Variants in TRAPPC8 observed in about 807,000 individuals in gnomAD.
TRAPPC8 encodes general sporulation gene 1 homolog.
In TRAPPC8, 54 loss-of-function variants were observed where a neutral mutation model predicts 174.3. The observed-to-expected ratio is 0.31, with a 90% CI of 0.25 to 0.39. The LOEUF (loss-of-function observed/expected upper bound fraction) is 0.39, where lower values mean the gene tolerates loss of function less well. Among genes scored for constraint, TRAPPC8 ranks in the 10% least tolerant of loss-of-function variants. TRAPPC8 has a pLI of 1.00. For missense variants in TRAPPC8, 1,531 were observed against 1,699.1 expected, an observed-to-expected ratio of 0.90 and a Z score of 1.74; for synonymous variants, 630 against 579.9, an observed-to-expected ratio of 1.09 and a Z score of -1.24.
intron 2 of TRAPPC8, among the ~76,000 whole-genome samples, chr18:31,921,081 G>A (rs962771994): frequency 6.6e-6 from 1 of 150,792 alleles, no homozygotes; most frequent in Admixed American, 6.6e-5. Flanking sequence ...AAAGAAAGGG[G>A]AAAAATCTCT....
chr18:31,904,132 G>A (rs1485677935), intron 9 of TRAPPC8, among the ~76,000 whole-genome samples: 3 of 152,012 alleles, frequency 2.0e-5, no homozygotes, highest in Non-Finnish European at 4.4e-5. Context: ...GCTACTGTGG[G>A]GGGCTGAGGT....
chr18:31,940,884 G>C (rs1410906316), intron 1 of TRAPPC8, among the ~76,000 whole-genome samples: 1 of 152,190 alleles, frequency 6.6e-6, no homozygotes, highest in African/African-American at 2.4e-5. Context: ...TCTAAATACT[G>C]TCAGGAGATA....
intron 26 of TRAPPC8, among the ~76,000 whole-genome samples, chr18:31,840,365 TAG>T (rs1479170092): frequency 1.5e-5 from 2 of 130,678 alleles, no homozygotes; most frequent in Non-Finnish European, 3.2e-5. Context: ...TCAAAATAAA[TAG>T]AGAGACAGAG....
At chr18:31,845,799 T>C (rs2033369686) in intron 26 of TRAPPC8, among the ~76,000 whole-genome samples, 1 of 152,040 alleles carries the variant, frequency 6.6e-6, no homozygotes, top group Admixed American at 6.6e-5. Flanking sequence ...ATAGTAATAA[T>C]GGAGGTGGGG....
intron 11 of TRAPPC8, among the ~76,000 whole-genome samples, chr18:31,894,207 G>A (rs1484814611): frequency 6.6e-6 from 1 of 152,116 alleles, no homozygotes; most frequent in Non-Finnish European, 1.5e-5. Context: ...TTCATATCTT[G>A]GTCCAGCTTT....
intron 2 of TRAPPC8, among the ~76,000 whole-genome samples, chr18:31,918,007 T>G (rs1945109447): frequency 1.3e-5 from 2 of 152,022 alleles, no homozygotes; most frequent in South Asian, 2.1e-4. Context: ...GTGACTGTAA[T>G]CCCAGCTACT....
At chr18:31,861,524 A>T (rs2034318759) in intron 19 of TRAPPC8, among the ~76,000 whole-genome samples, 2 of 152,354 alleles carry the variant, frequency 1.3e-5, no homozygotes, top group South Asian at 4.1e-4. Flanking sequence ...AGGCTTAAAC[A>T]ATGTAAAAGT....
chr18:31,854,890 C>T (rs191460107), intron 21 of TRAPPC8, among the ~76,000 whole-genome samples: 5 of 132,948 alleles, frequency 3.8e-5, no homozygotes, highest in African/African-American at 1.2e-4. Flanking sequence ...GGCATGAACC[C>T]GGGAGGTGGA....
In TRAPPC8 at chr18:31,931,312, T is replaced by C. The variant is rs775471207; in HGVS notation, c.352+17A>G. The stretch of plus-strand genomic sequence containing the variant: ...CGAAATTTCACTCAAAAAATAACAA[T>C]AAACCTTGTTACATACCACTGATGT... On this transcript the variant is annotated intron_variant, in intron 2 of 28. Transcript: ENST00000283351. 6.0e-6 allele frequency: 9 copies of C among 1,496,554 alleles called. No individual in the cohort carries two copies. The highest frequency in any genetic ancestry group is 2.3e-5 in the Admixed American group (1 of 42,704). The allele number at this position is 1,496,554 out of a possible 1,614,324, so 92.7% of individuals were successfully genotyped here. A position where few individuals can be genotyped will look rare whatever the true frequency, so the allele number is the denominator to read the frequency against.
intron 14 of TRAPPC8, among the ~76,000 whole-genome samples, chr18:31,872,447 T>A (rs1355023393): frequency 1.3e-5 from 2 of 152,212 alleles, no homozygotes; most frequent in Non-Finnish European, 2.9e-5. Context: ...ATACGATTTT[T>A]TTTTTTTGAG....
At chr18:31,835,219 T>C (rs1790301954) in intron 27 of TRAPPC8, among the ~76,000 whole-genome samples, 1 of 152,140 alleles carries the variant, frequency 6.6e-6, no homozygotes, top group South Asian at 2.1e-4. Flanking sequence ...GCATGTGTAG[T>C]CTGAACATCT....
intron 19 of TRAPPC8, among the ~76,000 whole-genome samples, chr18:31,862,752 T>C (rs1229548011): frequency 6.6e-6 from 1 of 152,032 alleles, no homozygotes; most frequent in Non-Finnish European, 1.5e-5. Context: ...ATTACTACCA[T>C]AAAAATCATC....
chr18:31,930,121 AC>A (rs1209925603), intron 2 of TRAPPC8, among the ~76,000 whole-genome samples: 1 of 150,634 alleles, frequency 6.6e-6, no homozygotes, highest in Non-Finnish European at 1.5e-5. Flanking sequence ...TTTAGGAAAA[AC>A]TTTTTTTTTT....
rs34167680 is a variant in TRAPPC8, at chr18:31,855,815, TAA to T, written c.3189-10_3189-9del. The stretch of plus-strand genomic sequence containing the variant: ...TGTCTTAATATTCTGTGCCTGAAGT[TAA>T]AAAAAAAAAAAAAAGCACATTTAAG... On this transcript the variant is annotated splice_polypyrimidine_tract_variant and intron_variant, in intron 20 of 28. Transcript: ENST00000283351. The T allele has an allele frequency of 0.057, 78,443 of 1,369,364 alleles. No homozygotes were observed. Among genetic ancestry groups the T allele is most frequent in the East Asian group, 0.1 (3,762 of 37,432 alleles). The allele number at this position is 1,369,364 out of a possible 1,614,324, so 84.8% of individuals were successfully genotyped here.
At chr18:31,886,681 C>G (rs1453250927) in intron 12 of TRAPPC8, among the ~76,000 whole-genome samples, 1 of 152,046 alleles carries the variant, frequency 6.6e-6, no homozygotes, top group African/African-American at 2.4e-5. Context: ...AATAATTGAA[C>G]TATAAACAAC....
intron 24 of TRAPPC8, 99 bp from the exon 25 acceptor site, chr18:31,849,838 A>G: frequency 8.1e-7 from 1 of 1,230,784 alleles, no homozygotes; most frequent in Non-Finnish European, 1.1e-6. Flanking sequence ...TCCTGCCAAA[A>G]TTTTTATTTC....
intron 4 of TRAPPC8, among the ~76,000 whole-genome samples, chr18:31,913,780 T>C (rs936199099): frequency 5.9e-5 from 9 of 152,100 alleles, no homozygotes; most frequent in African/African-American, 2.2e-4. Context: ...TACCAAAGTG[T>C]GTTCCGTGGA....
At chr18:31,881,892 C>T (rs571928738) in intron 12 of TRAPPC8, among the ~76,000 whole-genome samples, 1 of 152,202 alleles carries the variant, frequency 6.6e-6, no homozygotes, top group South Asian at 2.1e-4. Flanking sequence ...TACTGAACAT[C>T]ACTAATCATT....
intron 10 of TRAPPC8, among the ~76,000 whole-genome samples, chr18:31,898,917 A>G (rs2036293511): frequency 1.3e-5 from 2 of 152,318 alleles, no homozygotes; most frequent in Non-Finnish European, 2.9e-5. Flanking sequence ...AATTATTAAT[A>G]TAACTAAAGC....
Sources: gnomAD v4.1 joint callset for allele counts (sites outside exome capture counted in the v4.1 genomes callset) on GRCh38, gnomAD v4.1.1 for gene constraint, MANE v1.5 for transcripts, NCBI Gene and HGNC (gene_info 2026-07-23, HGNC 2026-07-21) for gene names.